Variants in NRG1 observed in about 807,000 individuals in gnomAD.
The protein encoded by NRG1 is pro-neuregulin-1, membrane-bound isoform.
A neutral mutation model predicts 63.8 loss-of-function variants in NRG1; 18 were observed. That is an observed-to-expected ratio of 0.28 (90% CI 0.19 to 0.42). The LOEUF (loss-of-function observed/expected upper bound fraction) is 0.42, where lower values mean the gene tolerates loss of function less well. NRG1 is among the 10% of genes least tolerant of loss of function. The pLI is 1.00. For missense variants in NRG1, 762 were observed against 814.7 expected (o/e 0.94, Z 0.79); for synonymous variants, 302 against 301.3 (o/e 1.00, Z -0.02).
chr8:31,941,832 A>G (rs1057338193), intron 1 of NRG1, among the ~76,000 whole-genome samples: 1 of 152,204 alleles, frequency 6.6e-6, no homozygotes, highest in Non-Finnish European at 1.5e-5. Context: ...ATACCTAAAC[A>G]AGGATGTGAA....
rs1310298871 is a variant in NRG1, at chr8:31,744,260, G to C, written c.37+104829G>C. ...GGATTAATGAAGAGATCCTCTATCT[G>C]TAGTCCAATGTCTATTGGGTAGGGA... is the stretch of plus-strand genomic sequence containing the variant. On this transcript the variant is annotated intron_variant, in intron 1 of 10. Transcript: ENST00000519301. 3.9e-5 allele frequency among the ~76,000 whole-genome samples: 6 copies of C among 151,994 alleles called. No homozygotes were observed. In the East Asian group the frequency reaches 1.2e-3, roughly 29 times the overall value.
intron 1 of NRG1, among the ~76,000 whole-genome samples, chr8:32,115,711 T>G (rs1398388190): frequency 6.6e-6 from 1 of 152,136 alleles, no homozygotes; most frequent in African/African-American, 2.4e-5. Context: ...ACATATAAAT[T>G]TACTTAATCC....
intron 1 of NRG1, among the ~76,000 whole-genome samples, chr8:32,465,473 T>G (rs1822940762): frequency 6.6e-6 from 1 of 152,232 alleles, no homozygotes; most frequent in Non-Finnish European, 1.5e-5. Flanking sequence ...TTTTTGGATA[T>G]TCATGGTTTA....
chr8:31,723,532 A>G (rs1005105097), intron 1 of NRG1, among the ~76,000 whole-genome samples: 4 of 152,064 alleles, frequency 2.6e-5, no homozygotes, highest in Non-Finnish European at 5.9e-5. Flanking sequence ...TGATCATTAC[A>G]CGCTACAGCC....
rs373975505 is a variant in NRG1, at chr8:32,760,578, T to C, written c.1259+172T>C. 4.2e-6 allele frequency: 6 copies of C among 1,424,256 alleles called. No homozygotes were observed. The South Asian group carries it at 7.5e-5, about 18-fold the overall frequency. 88.2% of individuals were successfully genotyped at this position (1,424,256 alleles called of 1,614,324 possible). On this transcript the variant is annotated intron_variant, in intron 11 of 11. Transcript: ENST00000356819. ...TCATCTCTTTGTTTGACGGAACTTA[T>C]TTCTTCTGAGCTTCTCTCGTCGTCC...
intron 1 of NRG1, among the ~76,000 whole-genome samples, chr8:32,542,413 T>G (rs1364884064): frequency 6.6e-6 from 1 of 152,184 alleles, no homozygotes; most frequent in Non-Finnish European, 1.5e-5. Flanking sequence ...ATGTATAGTC[T>G]TACATATGAA....
chr8:32,142,594 T>C (rs1836404317), intron 1 of NRG1, among the ~76,000 whole-genome samples: 1 of 152,144 alleles, frequency 6.6e-6, no homozygotes, highest in African/African-American at 2.4e-5. Flanking sequence ...AAAATCTGCC[T>C]AGCAAATTGG....
intron 1 of NRG1, among the ~76,000 whole-genome samples, chr8:32,099,245 T>C (rs1482052853): frequency 2.0e-5 from 3 of 152,112 alleles, no homozygotes; most frequent in Non-Finnish European, 4.4e-5. Flanking sequence ...TGTCTGAGGG[T>C]CTGATAGTAA....
intron 1 of NRG1, among the ~76,000 whole-genome samples, chr8:32,187,222 C>T (rs1236673014): frequency 6.6e-6 from 1 of 152,074 alleles, no homozygotes; most frequent in African/African-American, 2.4e-5. Context: ...ATTTTGTTTT[C>T]ATGAAGACTT....
chr8:31,736,986 G>A (rs1041353945), intron 1 of NRG1, among the ~76,000 whole-genome samples: 1 of 152,074 alleles, frequency 6.6e-6, no homozygotes, highest in Admixed American at 6.6e-5. Flanking sequence ...ACATGGTTTT[G>A]GTTCTGCCTC....
chr8:32,638,064 A>AG lies in NRG1; in HGVS notation c.502+21179_502+21180insG, dbSNP rs199525732. Among the ~76,000 whole-genome samples the AG allele has an allele frequency of 7.7e-3, 1,177 of 152,344 alleles. 6 individuals are homozygous for AG. Among genetic ancestry groups the AG allele is most frequent in the Middle Eastern group, 0.024 (7 of 294 alleles). On this transcript the variant is annotated intron_variant, in intron 5 of 11. Coordinates refer to ENST00000356819, the Ensembl canonical transcript of NRG1. Reference sequence around the variant, plus strand: ...ATCTGAGTTGGCAGTATGCAACTAAAAGCTTTCCTTTGTAGAAATTAATTA... The same window carrying AG: ...ATCTGAGTTGGCAGTATGCAACTAAAGAGCTTTCCTTTGTAGAAATTAATTA...
At chr8:32,358,958 A>T (rs1396054966) in intron 1 of NRG1, among the ~76,000 whole-genome samples, 1 of 152,134 alleles carries the variant, frequency 6.6e-6, no homozygotes, top group Non-Finnish European at 1.5e-5. Flanking sequence ...GGCAGGGGTG[A>T]GGTAGGGTTT....
In NRG1 at chr8:31,855,188, A is replaced by G. The variant is rs527990852; in HGVS notation, c.37+215757A>G. On this transcript the variant is annotated intron_variant, in intron 1 of 10. Coordinates refer to the NRG1 transcript ENST00000519301. ...TCCTTGTTGACTTTCTGTCTCGTTG[A>G]TCTGTCTAATGTTAACAGTGGGGTG... Among the ~76,000 whole-genome samples, 5 of 152,148 alleles carry G rather than the reference A, an allele frequency of 3.3e-5. No individual in the cohort carries two copies. The East Asian group carries it at 7.7e-4, about 24-fold the overall frequency.
intron 1 of NRG1, among the ~76,000 whole-genome samples, chr8:32,558,173 G>A (rs1018910257): frequency 1.3e-5 from 2 of 152,140 alleles, no homozygotes; most frequent in Non-Finnish European, 2.9e-5. Flanking sequence ...CGGAGTCATC[G>A]CCTTCTCAGA....
chr8:32,000,089 A>G (rs1339071421), intron 1 of NRG1, among the ~76,000 whole-genome samples: 2 of 152,066 alleles, frequency 1.3e-5, no homozygotes, highest in Non-Finnish European at 2.9e-5. Context: ...GAAGGTAGCT[A>G]TGAAAGGTTT....
chr8:31,805,121 C>G (rs978774393), intron 1 of NRG1, among the ~76,000 whole-genome samples: 1 of 152,096 alleles, frequency 6.6e-6, no homozygotes, highest in Non-Finnish European at 1.5e-5. Flanking sequence ...TTATTAGCAA[C>G]AGGTTTTGAA....
intron 1 of NRG1, among the ~76,000 whole-genome samples, chr8:32,568,466 G>A (rs1477349407): frequency 6.6e-6 from 1 of 152,208 alleles, no homozygotes; most frequent in African/African-American, 2.4e-5. Context: ...GGATGATAGA[G>A]ATATGCTTTG....
intron 1 of NRG1, among the ~76,000 whole-genome samples, chr8:32,504,691 A>T (rs1324761635): frequency 6.6e-6 from 1 of 152,154 alleles, no homozygotes; most frequent in Non-Finnish European, 1.5e-5. Flanking sequence ...AAAACTCACA[A>T]ATTTATATGA....
At chr8:32,249,125 C>A (rs1848853098) in intron 1 of NRG1, among the ~76,000 whole-genome samples, 1 of 152,014 alleles carries the variant, frequency 6.6e-6, no homozygotes, top group African/African-American at 2.4e-5. Context: ...TTTAGCGACA[C>A]CATCCTGAGG....
Sources: allele counts gnomAD v4.1 joint callset (sites outside exome capture counted in the v4.1 genomes callset), GRCh38; gene constraint gnomAD v4.1.1; transcripts MANE v1.5; gene names NCBI Gene and HGNC (gene_info 2026-07-23, HGNC 2026-07-21).